Variants in DRC11 observed in about 807,000 individuals in gnomAD.
DRC11 encodes IQ and AAA domain-containing protein 1.
the DRC11 span, among the ~76,000 whole-genome samples, chr2:236,310,725 T>G: frequency 6.6e-6 from 1 of 152,130 alleles, no homozygotes; most frequent in Non-Finnish European, 1.5e-5. This position sits in a 1 kb window ranked among gnomAD's most constrained non-coding sequence, Gnocchi z 5.5. Context: ...AGATTTCCAG[T>G]GATGTGAAGA....
chr2:236,425,909 G>A, the DRC11 span, among the ~76,000 whole-genome samples: 2 of 151,956 alleles, frequency 1.3e-5, no homozygotes, highest in African/African-American at 4.8e-5. Context: ...TCCATTGTGT[G>A]TTCTTGACAC....
At chr2:236,495,359 T>G in the DRC11 span, among the ~76,000 whole-genome samples, 1 of 152,074 alleles carries the variant, frequency 6.6e-6, no homozygotes, top group African/African-American at 2.4e-5. This position sits in a 1 kb window ranked among gnomAD's most constrained non-coding sequence, Gnocchi z 5.6. Flanking sequence ...AAATTATAGT[T>G]AGGATTTTGA....
chr2:236,312,690 TAGAGATA>T, the DRC11 span, among the ~76,000 whole-genome samples: 2,210 of 151,440 alleles, frequency 0.015, 80 homozygotes, highest in East Asian at 0.13. Context: ...AAAGAAATGA[TAGAGATA>T]AGAGTAGAAA....
the DRC11 span, among the ~76,000 whole-genome samples, chr2:236,467,307 T>C: frequency 7.0e-4 from 106 of 152,316 alleles, no homozygotes; most frequent in East Asian, 0.02. Flanking sequence ...AGATTGATCT[T>C]TCATGACTCT....
At chr2:236,425,896 T>C in the DRC11 span, among the ~76,000 whole-genome samples, 4 of 152,172 alleles carry the variant, frequency 2.6e-5, no homozygotes, top group East Asian at 7.7e-4. Context: ...GACTTATCCT[T>C]CTTCCATTGT....
At chr2:236,312,625 T>C in the DRC11 span, among the ~76,000 whole-genome samples, 3 of 151,804 alleles carry the variant, frequency 2.0e-5, no homozygotes, top group Non-Finnish European at 4.4e-5. Context: ...AATTAATGAG[T>C]TAACTATCTT....
At chr2:236,475,247 G>C in the DRC11 span, among the ~76,000 whole-genome samples, 1 of 152,016 alleles carries the variant, frequency 6.6e-6, no homozygotes, top group Admixed American at 6.6e-5. This position sits in a 1 kb window ranked among gnomAD's most constrained non-coding sequence, Gnocchi z 4.8. Flanking sequence ...TTCTGTGCTG[G>C]CTTATTTCAT....
At chr2:236,428,076 C>T in the DRC11 span, among the ~76,000 whole-genome samples, 1 of 152,082 alleles carries the variant, frequency 6.6e-6, no homozygotes, top group Middle Eastern at 3.2e-3. Flanking sequence ...TGGTTTCACA[C>T]CATTGCAGTC....
chr2:236,402,876 G>C, the DRC11 span, among the ~76,000 whole-genome samples: 2 of 152,180 alleles, frequency 1.3e-5, no homozygotes, highest in East Asian at 3.8e-4. This position sits in a 1 kb window ranked among gnomAD's most constrained non-coding sequence, Gnocchi z 6.0. Context: ...ATTCATGAAC[G>C]AAAGAGAAAT....
chr2:236,336,258 A>G, the DRC11 span, among the ~76,000 whole-genome samples: 1 of 152,232 alleles, frequency 6.6e-6, no homozygotes, highest in African/African-American at 2.4e-5. This position sits in a 1 kb window ranked among gnomAD's most constrained non-coding sequence, Gnocchi z 7.3. Flanking sequence ...TGCAGGGAGT[A>G]GATGGTTGTT....
At chr2:236,341,214 G>A in the DRC11 span, among the ~76,000 whole-genome samples, 1 of 152,234 alleles carries the variant, frequency 6.6e-6, no homozygotes, top group Non-Finnish European at 1.5e-5. Context: ...GTGATGTCAG[G>A]GAGGCGCTTG....
chr2:236,322,384 G>A, the DRC11 span, among the ~76,000 whole-genome samples: 4 of 151,274 alleles, frequency 2.6e-5, no homozygotes, highest in Admixed American at 6.6e-5. Flanking sequence ...ACAGGTGCCC[G>A]CCACCCCACC....
chr2:236,367,941 C>G, the DRC11 span: 1 of 511,792 alleles, frequency 2.0e-6, no homozygotes, highest in South Asian at 2.0e-5. This position sits in a 1 kb window ranked among gnomAD's most constrained non-coding sequence, Gnocchi z 4.8. Flanking sequence ...ATCTCCCCAG[C>G]TCATTGCCTG....
the DRC11 span, among the ~76,000 whole-genome samples, chr2:236,317,292 A>G: frequency 6.6e-6 from 1 of 150,646 alleles, no homozygotes; most frequent in East Asian, 2.0e-4. This position sits in a 1 kb window ranked among gnomAD's most constrained non-coding sequence, Gnocchi z 5.4. Context: ...GAGATTCCAT[A>G]TCGGGGGAAA....
At chr2:236,354,209 T>TGTTAGTATGAG in the DRC11 span, among the ~76,000 whole-genome samples, 7 of 66,536 alleles carry the variant, frequency 1.1e-4, no homozygotes, top group African/African-American at 5.2e-4. Context: ...TGTGTGTCAA[T>TGTTAGTATGAG]GTATGTGTGT....
At chr2:236,321,735 G>C in the DRC11 span, among the ~76,000 whole-genome samples, 1 of 152,198 alleles carries the variant, frequency 6.6e-6, no homozygotes, top group Non-Finnish European at 1.5e-5. Flanking sequence ...ATCTCTGACA[G>C]TTCCAGCTCC....
the DRC11 span, chr2:236,343,626 A>G: frequency 8.6e-6 from 8 of 927,380 alleles, no homozygotes; most frequent in Non-Finnish European, 1.2e-5. This position sits in a 1 kb window ranked among gnomAD's most constrained non-coding sequence, Gnocchi z 6.6. Context: ...ACGTGAGACG[A>G]AACACTGCCC....
At chr2:236,354,319 G>A in the DRC11 span, among the ~76,000 whole-genome samples, 2 of 151,278 alleles carry the variant, frequency 1.3e-5, no homozygotes, top group Non-Finnish European at 2.9e-5. Context: ...GTGTGTGCAT[G>A]TGTGTGAGTG....
chr2:236,413,306 C>T, the DRC11 span, among the ~76,000 whole-genome samples: 3 of 152,166 alleles, frequency 2.0e-5, no homozygotes, highest in Admixed American at 2.0e-4. This position sits in a 1 kb window ranked among gnomAD's most constrained non-coding sequence, Gnocchi z 4.0. Flanking sequence ...GTCCCTGTTC[C>T]CTAGGCTAAG....
Sources: gnomAD v4.1 joint callset for allele counts (sites outside exome capture counted in the v4.1 genomes callset) on GRCh38, gnomAD v4.1.1 for gene constraint, Gnocchi (gnomAD v3.1) non-coding constraint, MANE v1.5 for transcripts, NCBI Gene and HGNC (gene_info 2026-07-23, HGNC 2026-07-21) for gene names.